Variants in BRD10 observed in about 807,000 individuals in gnomAD.
BRD10 encodes uncharacterized bromodomain-containing protein 10.
chr9:5,988,693 C>T, the BRD10 span: 1 of 621,568 alleles, frequency 1.6e-6, no homozygotes. Flanking sequence ...TTTTATCCTC[C>T]CTACACAATT....
At chr9:5,999,732 G>T in the BRD10 span, among the ~76,000 whole-genome samples, 1 of 152,230 alleles carries the variant, frequency 6.6e-6, no homozygotes, top group East Asian at 1.9e-4. Flanking sequence ...TGCACTTTTA[G>T]ATATGGTGTT....
At chr9:6,001,899 G>T in the BRD10 span, among the ~76,000 whole-genome samples, 1 of 152,114 alleles carries the variant, frequency 6.6e-6, no homozygotes, top group South Asian at 2.1e-4. Context: ...CCTAAAATCT[G>T]AAAGTGATTA....
the BRD10 span, chr9:5,919,829 T>C: frequency 1.9e-6 from 3 of 1,613,924 alleles, no homozygotes; most frequent in Non-Finnish European, 2.5e-6. Context: ...ATTTATGGTA[T>C]TCAAAATGGC....
the BRD10 span, among the ~76,000 whole-genome samples, chr9:5,923,760 T>C: frequency 3.3e-5 from 5 of 152,150 alleles, no homozygotes; most frequent in African/African-American, 1.2e-4. Flanking sequence ...ACAAAAAATA[T>C]CCAGCTTTTA....
At chr9:5,919,754 C>T in the BRD10 span, 1,283 of 1,613,374 alleles carry the variant, frequency 8.0e-4, no homozygotes, top group Non-Finnish European at 1.0e-3. Flanking sequence ...CGCAGGACTT[C>T]GACTGGCAGA....
the BRD10 span, among the ~76,000 whole-genome samples, chr9:5,928,191 A>T: frequency 6.6e-6 from 1 of 152,102 alleles, no homozygotes; most frequent in Non-Finnish European, 1.5e-5. Context: ...ATCCTTAAGC[A>T]AATTCTACCA....
the BRD10 span, among the ~76,000 whole-genome samples, chr9:5,916,912 G>A: frequency 2.0e-5 from 3 of 152,136 alleles, no homozygotes; most frequent in Non-Finnish European, 4.4e-5. Context: ...TTAACTTTGT[G>A]CTCTAGCCAC....
chr9:5,995,222 G>A, the BRD10 span, among the ~76,000 whole-genome samples: 2 of 152,260 alleles, frequency 1.3e-5, no homozygotes, highest in Non-Finnish European at 2.9e-5. Flanking sequence ...CTATTCAAAA[G>A]CTTCATTCCA....
the BRD10 span, among the ~76,000 whole-genome samples, chr9:5,915,605 T>C: frequency 2.0e-5 from 3 of 152,226 alleles, no homozygotes; most frequent in East Asian, 5.8e-4. Context: ...CCTTGGGCTT[T>C]TCTGAGACTC....
At chr9:5,897,670 C>T in the BRD10 span, 3 of 1,597,068 alleles carry the variant, frequency 1.9e-6, no homozygotes, top group South Asian at 2.2e-5. Context: ...AAAGTTCCCA[C>T]TGCTGAAATC....
At chr9:5,954,448 A>T in the BRD10 span, among the ~76,000 whole-genome samples, 4 of 152,200 alleles carry the variant, frequency 2.6e-5, no homozygotes, top group Non-Finnish European at 5.9e-5. Context: ...TAGGGAAAAA[A>T]ACCTTACCTT....
the BRD10 span, among the ~76,000 whole-genome samples, chr9:5,914,411 T>TTG: frequency 4.2e-4 from 4 of 9,534 alleles, no homozygotes; most frequent in Admixed American, 8.9e-4. Flanking sequence ...ATCCAGATGG[T>TTG]TTTTTTTTTT....
the BRD10 span, among the ~76,000 whole-genome samples, chr9:5,893,773 T>A: frequency 6.6e-6 from 1 of 152,166 alleles, no homozygotes; most frequent in Non-Finnish European, 1.5e-5. Flanking sequence ...CCTTGGGATG[T>A]CACTTTTGTC....
the BRD10 span, chr9:5,921,782 G>C: frequency 2.5e-6 from 4 of 1,613,834 alleles, no homozygotes; most frequent in Admixed American, 1.7e-5. Flanking sequence ...TGGTAGTAGA[G>C]TACTAGAACA....
the BRD10 span, among the ~76,000 whole-genome samples, chr9:5,986,984 TACTGCTTAGGAGC>T: frequency 6.6e-6 from 1 of 152,232 alleles, no homozygotes; most frequent in Admixed American, 6.5e-5. Flanking sequence ...AAAAATGGTA[TACTGCTTAGGAGC>T]ACTAGCTCTA....
At chr9:5,924,192 G>C in the BRD10 span, among the ~76,000 whole-genome samples, 4 of 152,208 alleles carry the variant, frequency 2.6e-5, no homozygotes, top group African/African-American at 7.2e-5. Flanking sequence ...TACAGATCAA[G>C]GGTGTGTGGT....
chr9:5,881,526 G>C, the BRD10 span: 1 of 152,354 alleles, frequency 6.6e-6, no homozygotes, highest in African/African-American at 2.4e-5. Context: ...GTCCTCCCAG[G>C]TGGTGCTGGG....
At chr9:5,985,542 G>A in the BRD10 span, among the ~76,000 whole-genome samples, 1 of 152,110 alleles carries the variant, frequency 6.6e-6, no homozygotes, top group Admixed American at 6.5e-5. Context: ...TCCCAACACT[G>A]TGGGAGGCCG....
the BRD10 span, among the ~76,000 whole-genome samples, chr9:6,004,930 A>G: frequency 1.3e-5 from 2 of 152,194 alleles, no homozygotes; most frequent in African/African-American, 4.8e-5. Flanking sequence ...GTTTGCATAC[A>G]TCAAATACAA....
Sources: allele counts gnomAD v4.1 joint callset (sites outside exome capture counted in the v4.1 genomes callset), GRCh38; gene constraint gnomAD v4.1.1; transcripts MANE v1.5; gene names NCBI Gene and HGNC (gene_info 2026-07-23, HGNC 2026-07-21).